Variants in AHRR observed in about 807,000 individuals in gnomAD.
AHRR encodes aryl hydrocarbon receptor repressor, also known as ahR repressor.
A neutral mutation model predicts 44.0 loss-of-function variants in AHRR; 28 were observed. The observed-to-expected ratio is 0.64, with a 90% CI of 0.47 to 0.87. The LOEUF (loss-of-function observed/expected upper bound fraction) is 0.87, where lower values mean the gene tolerates loss of function less well. Among genes scored for constraint, AHRR ranks in the 40% least tolerant of loss-of-function variants. AHRR has a pLI of 0.00. For missense variants in AHRR, 990 were observed against 953.9 expected (o/e 1.04, Z -0.50); for synonymous variants, 434 against 407.0 (o/e 1.07, Z -0.80).
rs1734418065 is a variant in AHRR, at chr5:391,338, G to GGAGGGT, written c.351+14623_351+14624insAGGGTG. On this transcript the variant is annotated intron_variant, in intron 4 of 10. Transcript: ENST00000684583. ...CAGAGCGTGCACGGGCGCAGGGCGA[G>GGAGGGT]GCGGGCGCAGGGCGAGGCAGGGCCA... Among the ~76,000 whole-genome samples, 20 of 128,716 alleles carry GGAGGGT rather than the reference G, an allele frequency of 1.6e-4. 2 individuals carry two copies. In the South Asian group the frequency reaches 5.1e-3, roughly 33 times the overall value. The allele number at this position is 128,716 out of a possible 152,430, so 84.4% of individuals were successfully genotyped here. A position where few individuals can be genotyped will look rare whatever the true frequency, so the allele number is the denominator to read the frequency against.
intron 4 of AHRR, among the ~76,000 whole-genome samples, chr5:398,414 C>A (rs1309989213): frequency 1.3e-5 from 2 of 152,294 alleles, no homozygotes; most frequent in South Asian, 2.1e-4. Context: ...TCCACCTTAG[C>A]CCCTGACCAT....
At position 359,839 on chromosome 5, in the gene AHRR, T is replaced by A. The variant is rs111750779; in HGVS notation, c.244+5928T>A. On this transcript the variant is annotated intron_variant, in intron 3 of 10. Transcript: ENST00000684583. ...CCACAGCGCCACGAGGTGTCCTGGG[T>A]TCTTGAACTCTGGAATCCCACACTT... Among the ~76,000 whole-genome samples the A allele has an allele frequency of 3.9e-5, 6 of 152,198 alleles. 1 individual carries two copies. The highest frequency in any genetic ancestry group is 1.4e-4 in the African/African-American group (6 of 41,520).
intron 4 of AHRR, among the ~76,000 whole-genome samples, chr5:402,660 GCC>G (rs926464748): frequency 1.3e-5 from 2 of 151,848 alleles, no homozygotes; most frequent in African/African-American, 4.8e-5. Flanking sequence ...CAACGCAGCA[GCC>G]CCCCTGCTGG....
chr5:423,636 A>G (rs1736235712), intron 6 of AHRR, among the ~76,000 whole-genome samples: 2 of 152,226 alleles, frequency 1.3e-5, no homozygotes, highest in South Asian at 2.1e-4. Flanking sequence ...ATGCATGCAC[A>G]TGTACTAAAA....
At chr5:421,217 C>T in intron 5 of AHRR, 1 of 681,026 alleles carries the variant, frequency 1.5e-6, no homozygotes, top group Non-Finnish European at 2.7e-6. Flanking sequence ...CCAGCGGCCT[C>T]CTCGTCGGCA....
intron 1 of AHRR, among the ~76,000 whole-genome samples, chr5:323,874 G>C (rs1258468021): frequency 6.6e-6 from 1 of 152,172 alleles, no homozygotes; most frequent in Non-Finnish European, 1.5e-5. Context: ...TCGGCTCACA[G>C]ACAGGCAGGA....
At chr5:324,013 T>TTCTTTCTTTC (rs61590084) in intron 1 of AHRR, among the ~76,000 whole-genome samples, 66,993 of 138,264 alleles carry the variant, frequency 0.48, 17,190 homozygotes, top group Non-Finnish European at 0.58. Flanking sequence ...TTCTCTTTCT[T>TTCTTTCTTTC]TCTTTCTTTC....
chr5:414,243 A>AGG (rs1735610853), intron 5 of AHRR, among the ~76,000 whole-genome samples: 2 of 152,126 alleles, frequency 1.3e-5, no homozygotes, highest in Non-Finnish European at 2.9e-5. Context: ...AGCCTGGGTG[A>AGG]CAGAGCGAGA....
At chr5:361,793 GC>G (rs1743194133) in intron 3 of AHRR, among the ~76,000 whole-genome samples, 1 of 152,178 alleles carries the variant, frequency 6.6e-6, no homozygotes, top group African/African-American at 2.4e-5. Flanking sequence ...CAGGTTCTTG[GC>G]TGGAGAGCAG....
In AHRR at chr5:437,859, T is replaced by C. The variant is rs1478930589; in HGVS notation, c.*3025T>C. 2.0e-5 allele frequency: 3 copies of C among 152,376 alleles called. No homozygotes were observed. Among genetic ancestry groups the C allele is most frequent in the African/African-American group, 7.2e-5 (3 of 41,456 alleles). The allele number at this position is 152,376 out of a possible 1,614,324, so 9.4% of individuals were successfully genotyped here. A position where few individuals can be genotyped will look rare whatever the true frequency, so the allele number is the denominator to read the frequency against. On this transcript the variant is annotated 3_prime_UTR_variant, in exon 11 of 11. Coordinates refer to ENST00000684583, the MANE Select transcript of AHRR (RefSeq NM_001377236.1). ...ACAAAAACTCCCCAAGTCAGCACTT[T>C]GGTTATTTTATAGCCACAACCCTCT...
intron 3 of AHRR, among the ~76,000 whole-genome samples, chr5:376,026 C>T (rs960638848): frequency 2.0e-5 from 3 of 151,060 alleles, no homozygotes; most frequent in Non-Finnish European, 2.9e-5. Flanking sequence ...GTGTTCTGTG[C>T]GGCCCCTGGG....
At chr5:360,888 G>A (rs1743155890) in intron 3 of AHRR, among the ~76,000 whole-genome samples, 1 of 152,146 alleles carries the variant, frequency 6.6e-6, no homozygotes, top group Admixed American at 6.5e-5. Flanking sequence ...ATACATGGAA[G>A]GAATTGCCAA....
At chr5:343,601 A>G in intron 1 of AHRR, 1 of 419,254 alleles carries the variant, frequency 2.4e-6, no homozygotes, top group Non-Finnish European at 4.2e-6. Context: ...GTCTCCCGCC[A>G]CGGCGCCCTG....
At position 326,782 on chromosome 5, in the gene AHRR, C is replaced by T. The variant is rs368149250; in HGVS notation, c.-11+4963C>T. 6.6e-6 allele frequency among the ~76,000 whole-genome samples: 1 copy of T among 152,020 alleles called. No homozygotes were observed. Among genetic ancestry groups the T allele is most frequent in the Non-Finnish European group, 1.5e-5 (1 of 68,002 alleles). On this transcript the variant is annotated intron_variant, in intron 1 of 10. Transcript: ENST00000684583. This position sits in a 1 kb window ranked among gnomAD's most constrained non-coding sequence, Gnocchi z 4.1. The stretch of plus-strand genomic sequence containing the variant: ...CCATTAAAAAAAATGATAGCTGGCC[C>T]GGCGCATGGTTCACGCCTGTAATCC...
chr5:433,961 C>T lies in AHRR; in HGVS notation c.1221C>T (p.His407=), dbSNP rs1409841707. ...TKPLPWTAGK[H]SEDGARPRLQ... is the part of the protein sequence containing the mutation. The stretch of plus-strand genomic sequence containing the variant: ...CCCTGCCCTGGACAGCGGGAAAGCA[C>T]AGTGAGGATGGTGCCAGGCCGAGGC... Residue 407 remains histidine (H), a synonymous_variant, in exon 11 of 11, where the codon CAC becomes CAT. Coordinates refer to ENST00000684583, the MANE Select transcript of AHRR (RefSeq NM_001377236.1). The T allele has an allele frequency of 6.4e-7, 1 of 1,559,066 alleles. No homozygotes were observed. The highest frequency in any genetic ancestry group is 2.3e-5 in the East Asian group (1 of 44,400).
chr5:422,744 CA>C lies in AHRR; in HGVS notation c.458del (p.Gln153ArgfsTer65), dbSNP rs1736189982. The C allele has an allele frequency of 6.2e-7, 1 of 1,614,036 alleles. No individual in the cohort carries two copies. On this transcript the variant is annotated frameshift_variant, in exon 6 of 11. Transcript: ENST00000684583. LOFTEE classifies it high-confidence loss of function. ...LGFHQTDVMHQNIYDYIHVDD... is the reference protein window; with the variant it reads ...LGFHQTDVMHXNIYDYIHVDD... Reference sequence around the variant, plus strand: ...GCTATTTCAGACGGATGTAATGCACCAGAACATTTATGACTACATCCACGTG... The same window carrying C: ...GCTATTTCAGACGGATGTAATGCACCGAACATTTATGACTACATCCACGTG...
At chr5:428,457 C>T (rs1326800907) in intron 8 of AHRR, among the ~76,000 whole-genome samples, 1 of 152,172 alleles carries the variant, frequency 6.6e-6, no homozygotes, top group Non-Finnish European at 1.5e-5. Flanking sequence ...CACAGCTGCC[C>T]CTCCAGCTGG....
chr5:433,702 A>C, intron 10 of AHRR, 151 bp from the exon 11 acceptor site: 1 of 908,010 alleles, frequency 1.1e-6, no homozygotes, highest in Non-Finnish European at 1.5e-6. Context: ...TGGGGGGGTT[A>C]GAAGGCACAG....
intron 4 of AHRR, among the ~76,000 whole-genome samples, chr5:392,200 C>T (rs112336541): frequency 5.2e-5 from 2 of 38,522 alleles, no homozygotes; most frequent in Non-Finnish European, 8.5e-5. Context: ...GGGCGCAGGG[C>T]GAGGCAGGGC....
Sources: gnomAD v4.1 joint callset for allele counts (sites outside exome capture counted in the v4.1 genomes callset) on GRCh38, gnomAD v4.1.1 for gene constraint, Gnocchi (gnomAD v3.1) non-coding constraint, MANE v1.5 for transcripts, NCBI Gene and HGNC (gene_info 2026-07-23, HGNC 2026-07-21) for gene names.